The following PLCB1 variants were observed in gnomAD, a reference collection of about 807,000 sequenced individuals.
PLCB1 encodes the protein phospholipase C beta 1.
A neutral mutation model predicts 161.8 loss-of-function variants in PLCB1; 46 were observed. The ratio of observed to expected loss-of-function variants is 0.28; its 90% confidence interval spans 0.22 to 0.36. The LOEUF is 0.36. PLCB1 is among the 10% of genes least tolerant of loss of function. PLCB1 has a pLI of 1.00. For missense variants in PLCB1, 1,016 were observed against 1,472.5 expected (o/e 0.69, Z 5.07); for synonymous variants, 517 against 503.7 (o/e 1.03, Z -0.35).
intron 2 of PLCB1, among the ~76,000 whole-genome samples, chr20:8,299,120 A>G (rs1983773636): frequency 6.6e-6 from 1 of 152,164 alleles, no homozygotes; most frequent in African/African-American, 2.4e-5. Flanking sequence ...CCAACACATT[A>G]TAGCACCTGT....
chr20:8,794,711 G>A (rs1983932480), intron 31 of PLCB1, among the ~76,000 whole-genome samples: 1 of 152,060 alleles, frequency 6.6e-6, no homozygotes, highest in African/African-American at 2.4e-5. Flanking sequence ...TTTGCTCTGG[G>A]ATATTACTAT....
chr20:8,861,412 C>T (rs931321763), intron 31 of PLCB1, among the ~76,000 whole-genome samples: 2 of 152,168 alleles, frequency 1.3e-5, no homozygotes, highest in Admixed American at 1.3e-4. Flanking sequence ...GGTTAAAAGG[C>T]AGGCTAGCCC....
chr20:8,633,671 A>G (rs970428218), intron 4 of PLCB1, among the ~76,000 whole-genome samples: 15 of 152,132 alleles, frequency 9.9e-5, no homozygotes, highest in African/African-American at 3.6e-4. Context: ...ACTGAAATGT[A>G]GCATACACAG....
At chr20:8,315,426 C>G (rs1164850560) in intron 2 of PLCB1, among the ~76,000 whole-genome samples, 1 of 152,126 alleles carries the variant, frequency 6.6e-6, no homozygotes, top group Non-Finnish European at 1.5e-5. Flanking sequence ...CTTGTTAACC[C>G]TAGTTAAGCT....
chr20:8,222,185 T>C lies in PLCB1; in HGVS notation c.177+71814T>C, dbSNP rs192058235. On this transcript the variant is annotated intron_variant, in intron 2 of 31. Transcript: ENST00000338037. ...TCTTTAAAAACACCTTATTCACATA[T>C]TTACCACGATCAGTGCTTGTTATTA... 1.9e-3 allele frequency among the ~76,000 whole-genome samples: 284 copies of C among 152,274 alleles called. 1 individual carries two copies. Among genetic ancestry groups the C allele is most frequent in the African/African-American group, 4.7e-3 (194 of 41,578 alleles).
intron 3 of PLCB1, among the ~76,000 whole-genome samples, chr20:8,416,354 A>G (rs1346102109): frequency 6.6e-6 from 1 of 152,158 alleles, no homozygotes; most frequent in East Asian, 1.9e-4. Flanking sequence ...ATTTATAGAA[A>G]AAGTCTTTTT....
chr20:8,213,699 G>A (rs1428345713), intron 2 of PLCB1, among the ~76,000 whole-genome samples: 1 of 151,946 alleles, frequency 6.6e-6, no homozygotes, highest in Non-Finnish European at 1.5e-5. Context: ...GGTGGTGTGT[G>A]TGTGTGTGTC....
At chr20:8,555,089 G>T (rs1985907787) in intron 3 of PLCB1, among the ~76,000 whole-genome samples, 1 of 152,012 alleles carries the variant, frequency 6.6e-6, no homozygotes, top group Non-Finnish European at 1.5e-5. Flanking sequence ...TTGCTTGGTT[G>T]CCTTAAGCCT....
intron 25 of PLCB1, among the ~76,000 whole-genome samples, chr20:8,761,611 C>T (rs974254960): frequency 3.9e-5 from 6 of 152,210 alleles, no homozygotes; most frequent in South Asian, 4.1e-4. Context: ...CTCCACCTCC[C>T]GGGTTCAAGC....
chr20:8,724,126 G>A lies in PLCB1; in HGVS notation c.1582-530G>A, dbSNP rs146458062. ...CTAATGGATGCCAGGCTTAATACCCGGGTGACAAAATAATCTGCACAACAA... is the reference window on the plus strand; with the variant it reads ...CTAATGGATGCCAGGCTTAATACCCAGGTGACAAAATAATCTGCACAACAA... On this transcript the variant is annotated intron_variant, in intron 15 of 31. Transcript: ENST00000338037. Among the ~76,000 whole-genome samples, 411 of 151,220 alleles carry A rather than the reference G, an allele frequency of 2.7e-3. 2 individuals are homozygous for A. The highest frequency in any genetic ancestry group is 8.2e-3 in the African/African-American group (339 of 41,114).
chr20:8,726,991 C>A (rs191256379), intron 16 of PLCB1, among the ~76,000 whole-genome samples: 1 of 152,050 alleles, frequency 6.6e-6, no homozygotes, highest in Non-Finnish European at 1.5e-5. Context: ...AAGATTCCCA[C>A]GGGGTCCCTG....
chr20:8,143,053 T>C (rs956054279), intron 1 of PLCB1, among the ~76,000 whole-genome samples: 3 of 152,132 alleles, frequency 2.0e-5, no homozygotes, highest in African/African-American at 7.2e-5. Context: ...TCTATATGAG[T>C]TTCCCCTCAG....
intron 4 of PLCB1, among the ~76,000 whole-genome samples, chr20:8,630,318 T>C (rs1326880572): frequency 6.6e-6 from 1 of 151,994 alleles, no homozygotes. Flanking sequence ...ATTGTCCTGG[T>C]TTCTGTGTCA....
chr20:8,802,764 C>CA (rs1162415645), intron 31 of PLCB1, among the ~76,000 whole-genome samples: 1 of 152,192 alleles, frequency 6.6e-6, no homozygotes, highest in African/African-American at 2.4e-5. Flanking sequence ...AAATATCTCA[C>CA]TAATAGGGAT....
intron 3 of PLCB1, among the ~76,000 whole-genome samples, chr20:8,433,206 A>G (rs1047113755): frequency 6.6e-6 from 1 of 152,108 alleles, no homozygotes; most frequent in Non-Finnish European, 1.5e-5. Context: ...CTTCAAAATC[A>G]AGAGCAAAAT....
chr20:8,749,944 A>G (rs543235592), intron 23 of PLCB1, among the ~76,000 whole-genome samples: 2 of 106,444 alleles, frequency 1.9e-5, no homozygotes, highest in South Asian at 7.2e-4. Context: ...TGAATTATGC[A>G]TTCATTCAAT....
chr20:8,392,752 TTTGTC>T (rs1206698112), intron 3 of PLCB1, among the ~76,000 whole-genome samples: 1 of 152,188 alleles, frequency 6.6e-6, no homozygotes, highest in Non-Finnish European at 1.5e-5. Context: ...AAATTTGTGT[TTTGTC>T]TTCTTTGAAT....
intron 2 of PLCB1, among the ~76,000 whole-genome samples, chr20:8,156,660 G>T (rs773030837): frequency 6.6e-6 from 1 of 152,192 alleles, no homozygotes; most frequent in South Asian, 2.1e-4. Flanking sequence ...AGCTGTGACA[G>T]ATGTGGTTTG....
intron 3 of PLCB1, among the ~76,000 whole-genome samples, chr20:8,492,360 C>A (rs1982982915): frequency 6.6e-6 from 1 of 152,116 alleles, no homozygotes; most frequent in Non-Finnish European, 1.5e-5. Flanking sequence ...TTAACTGCAT[C>A]TTCCAAATTG....
Sources: gnomAD v4.1 joint callset for allele counts (sites outside exome capture counted in the v4.1 genomes callset) on GRCh38, gnomAD v4.1.1 for gene constraint, MANE v1.5 for transcripts, NCBI Gene and HGNC (gene_info 2026-07-23, HGNC 2026-07-21) for gene names.